The following PPP2R5E variants were observed in gnomAD, a reference collection of about 807,000 sequenced individuals.
The protein encoded by PPP2R5E is serine/threonine-protein phosphatase 2A 56 kDa regulatory subunit epsilon isoform.
Under a neutral mutation model 65.3 loss-of-function variants are expected in PPP2R5E, and 4 were observed. The observed-to-expected ratio is 0.06, with a 90% CI of 0.03 to 0.14. The LOEUF (loss-of-function observed/expected upper bound fraction) is 0.14. Ranked by LOEUF, PPP2R5E falls within the 10% of genes least tolerant of loss-of-function variation. The pLI is 1.00. For synonymous variants in PPP2R5E, 183 were observed against 187.4 expected (o/e 0.98, Z 0.19); for missense variants, 274 against 556.1 (o/e 0.49, Z 5.10).
At chr14:63,400,658 A>C (rs1594832024) in intron 5 of PPP2R5E, among the ~76,000 whole-genome samples, 1 of 144,668 alleles carries the variant, frequency 6.9e-6, no homozygotes, top group South Asian at 2.3e-4. Context: ...CCACAGGAAA[A>C]CATTCTATCT....
At position 63,379,826 on chromosome 14, in the gene PPP2R5E, C is replaced by CTCTCTCTTTTT. The variant is rs528081976; in HGVS notation, c.1304+2229_1304+2230insAAAAAGAGAGA. On this transcript the variant is annotated intron_variant, in intron 13 of 13. Coordinates refer to ENST00000337537, the MANE Select transcript of PPP2R5E (RefSeq NM_006246.5). ...TAAGTTGTTCTTCAATATTCTCTCT[C>CTCTCTCTTTTT]TTTTTTTTTTTTTTTTTTTTTTTTT... 3.0e-4 allele frequency among the ~76,000 whole-genome samples: 30 copies of CTCTCTCTTTTT among 100,302 alleles called. 1 individual carries two copies. Among genetic ancestry groups the CTCTCTCTTTTT allele is most frequent in the African/African-American group, 1.6e-3 (30 of 19,148 alleles). The allele number at this position is 100,302 out of a possible 152,430, so 65.8% of individuals were successfully genotyped here.
At chr14:63,470,541 C>A (rs1345036474) in intron 2 of PPP2R5E, among the ~76,000 whole-genome samples, 4 of 151,188 alleles carry the variant, frequency 2.6e-5, no homozygotes, top group African/African-American at 9.7e-5. Flanking sequence ...AAGGGGTTAT[C>A]TCTAGGAAGA....
intron 2 of PPP2R5E, among the ~76,000 whole-genome samples, chr14:63,479,799 T>C (rs1444705212): frequency 6.6e-6 from 1 of 152,186 alleles, no homozygotes; most frequent in Non-Finnish European, 1.5e-5. Flanking sequence ...AATAAAAGAT[T>C]AGGTTAAACC....
rs143564873 is a variant in PPP2R5E, at chr14:63,480,126, A to G, written c.158-26241T>C. ...TCTTACTCCACAGATAATTTTAAGG[A>G]AATTCATTTCCACAGCCTCAATTTT... On this transcript the variant is annotated intron_variant, in intron 2 of 13. Coordinates refer to ENST00000337537, the MANE Select transcript of PPP2R5E (RefSeq NM_006246.5). Among the ~76,000 whole-genome samples, 1,423 of 152,268 alleles carry G rather than the reference A, an allele frequency of 9.3e-3. 28 individuals are homozygous for G. The highest frequency in any genetic ancestry group is 0.033 in the African/African-American group (1,369 of 41,538).
intron 2 of PPP2R5E, among the ~76,000 whole-genome samples, chr14:63,480,882 C>T (rs1594923221): frequency 6.6e-6 from 1 of 152,224 alleles, no homozygotes; most frequent in South Asian, 2.1e-4. Context: ...AACACACCTG[C>T]TCACTGATCC....
At chr14:63,472,943 T>A (rs1241179893) in intron 2 of PPP2R5E, among the ~76,000 whole-genome samples, 1 of 152,224 alleles carries the variant, frequency 6.6e-6, no homozygotes, top group African/African-American at 2.4e-5. Flanking sequence ...GCAATCAAAT[T>A]AGCCAAAAAC....
At chr14:63,422,729 TAAAAAAAAAAAAAAA>T (rs567590182) in intron 3 of PPP2R5E, among the ~76,000 whole-genome samples, 13 of 88,242 alleles carry the variant, frequency 1.5e-4, no homozygotes, top group South Asian at 8.6e-4. Context: ...TCCGTCTATT[TAAAAAAAAAAAAAAA>T]AAAAAAAAAA....
chr14:63,501,233 A>G (rs886250608), intron 2 of PPP2R5E, among the ~76,000 whole-genome samples: 3 of 151,976 alleles, frequency 2.0e-5, no homozygotes, highest in Non-Finnish European at 4.4e-5. Flanking sequence ...CTCCATCTCT[A>G]CTAAAAGAAA....
chr14:63,474,949 G>A (rs1021378902), intron 2 of PPP2R5E, among the ~76,000 whole-genome samples: 5 of 152,142 alleles, frequency 3.3e-5, no homozygotes, highest in African/African-American at 1.2e-4. Context: ...GAGGCAAAAG[G>A]AAAACCTGAG....
chr14:63,513,057 G>C lies in PPP2R5E; in HGVS notation c.157+26472C>G, dbSNP rs1040312647. Reference sequence around the variant, plus strand: ...AAAAACCCCAGCTATTTAATGGCTGGGGGGGAAAAATTACCTTTTTTGGAA... The same window carrying C: ...AAAAACCCCAGCTATTTAATGGCTGCGGGGGAAAAATTACCTTTTTTGGAA... On this transcript the variant is annotated intron_variant, in intron 2 of 13. Transcript: ENST00000337537. Among the ~76,000 whole-genome samples, 4 of 151,894 alleles carry C rather than the reference G, an allele frequency of 2.6e-5. No homozygotes were observed. In the South Asian group the frequency reaches 8.3e-4, roughly 32 times the overall value.
chr14:63,499,246 C>G (rs1891731574), intron 2 of PPP2R5E, among the ~76,000 whole-genome samples: 1 of 152,022 alleles, frequency 6.6e-6, no homozygotes, highest in Admixed American at 6.6e-5. Context: ...TATCACAGGT[C>G]AGAGCTGCCT....
intron 2 of PPP2R5E, among the ~76,000 whole-genome samples, chr14:63,464,078 G>C (rs1266734454): frequency 6.6e-6 from 1 of 152,046 alleles, no homozygotes; most frequent in Non-Finnish European, 1.5e-5. Context: ...AGAAGGTCTA[G>C]TGCAAAGGGA....
chr14:63,539,723 C>CAA, intron 1 of PPP2R5E, 31 bp from the exon 2 acceptor site: 1 of 1,583,616 alleles, frequency 6.3e-7, no homozygotes, highest in Non-Finnish European at 8.6e-7. Context: ...TAAACCCATA[C>CAA]ATTCCCAAGG....
intron 3 of PPP2R5E, chr14:63,451,773 G>A (rs1256029345): frequency 1.3e-5 from 2 of 152,068 alleles, no homozygotes; most frequent in East Asian, 3.8e-4. Flanking sequence ...GCTCTGGTGG[G>A]AGTGAGGGGG....
At chr14:63,537,560 G>T (rs2139773058) in intron 2 of PPP2R5E, among the ~76,000 whole-genome samples, 1 of 152,080 alleles carries the variant, frequency 6.6e-6, no homozygotes, top group East Asian at 1.9e-4. Flanking sequence ...ATAAACATTG[G>T]AATCTTATTT....
At chr14:63,386,827 G>A (rs1884699044) in intron 11 of PPP2R5E, among the ~76,000 whole-genome samples, 2 of 151,862 alleles carry the variant, frequency 1.3e-5, no homozygotes, top group South Asian at 2.1e-4. Flanking sequence ...GGGAGGCTGA[G>A]GCACAAGAAT....
At chr14:63,505,061 G>A (rs370486846) in intron 2 of PPP2R5E, among the ~76,000 whole-genome samples, 1 of 152,194 alleles carries the variant, frequency 6.6e-6, no homozygotes, top group Non-Finnish European at 1.5e-5. Context: ...CCGGCCGGGC[G>A]TGGTGGCTCA....
Position 63,485,532 on chromosome 14 carries a change from G to A in PPP2R5E, c.158-31647C>T, listed in dbSNP as rs556661123. On this transcript the variant is annotated intron_variant, in intron 2 of 13. Transcript: ENST00000337537. ...CAGGTTCAAGCGATTTTCCTGCCTC[G>A]GCCTCCCGAGTAGCTGGGATTACAG... Among the ~76,000 whole-genome samples, 19 of 151,442 alleles carry A rather than the reference G, an allele frequency of 1.3e-4. No individual in the cohort carries two copies. In the East Asian group the frequency reaches 2.8e-3, roughly 22 times the overall value.
At chr14:63,398,502 T>C (rs1885539690) in intron 5 of PPP2R5E, among the ~76,000 whole-genome samples, 1 of 152,202 alleles carries the variant, frequency 6.6e-6, no homozygotes, top group Non-Finnish European at 1.5e-5. Context: ...ATTTTATTGA[T>C]CATTACAGAA....
Sources: allele counts gnomAD v4.1 joint callset (sites outside exome capture counted in the v4.1 genomes callset), GRCh38; gene constraint gnomAD v4.1.1; transcripts MANE v1.5; gene names NCBI Gene and HGNC (gene_info 2026-07-23, HGNC 2026-07-21).